The following FMNL2 variants were observed in gnomAD, a reference collection of about 807,000 sequenced individuals.
The protein encoded by FMNL2 is formin like 2, also known as formin-like protein 2.
FMNL2 carries 51 observed loss-of-function variants against 130.2 expected under a neutral mutation model. That is an observed-to-expected ratio of 0.39 (90% CI 0.31 to 0.49). FMNL2 has a LOEUF of 0.49. FMNL2 is among the 20% of genes least tolerant of loss of function. The pLI is 0.85. For missense variants in FMNL2, 977 were observed against 1,316.2 expected, an observed-to-expected ratio of 0.74 and a Z score of 3.99; for synonymous variants, 465 against 467.1, an observed-to-expected ratio of 1.00 and a Z score of 0.06.
intron 9 of FMNL2, among the ~76,000 whole-genome samples, chr2:152,593,898 TGTGTGAGAGAGAGA>T (rs1697606269): frequency 2.6e-5 from 2 of 78,010 alleles, no homozygotes; most frequent in African/African-American, 8.7e-5. Flanking sequence ...TGTGTGTGTG[TGTGTGAGAGAGAGA>T]GAGAGAGAGA....
chr2:152,640,724 A>G, intron 24 of FMNL2, 67 bp from the exon 25 acceptor site: 3 of 1,563,690 alleles, frequency 1.9e-6, no homozygotes, highest in East Asian at 2.3e-5. Flanking sequence ...GCTCAGGCAC[A>G]TTTTGGATTT....
intron 25 of FMNL2, among the ~76,000 whole-genome samples, chr2:152,645,829 G>A (rs947409437): frequency 6.6e-6 from 1 of 152,160 alleles, no homozygotes; most frequent in Non-Finnish European, 1.5e-5. Context: ...TTGATCTGAA[G>A]CGACTGAAAG....
intron 1 of FMNL2, among the ~76,000 whole-genome samples, chr2:152,479,729 T>C (rs1160681139): frequency 6.7e-6 from 1 of 149,224 alleles, no homozygotes; most frequent in Admixed American, 6.7e-5. Flanking sequence ...TTTTTTTTTT[T>C]TTTTTTTTTT....
chr2:152,514,813 T>C (rs879347361), intron 1 of FMNL2, among the ~76,000 whole-genome samples: 5 of 152,168 alleles, frequency 3.3e-5, no homozygotes, highest in Admixed American at 3.3e-4. Flanking sequence ...TTTGGGGCCA[T>C]GGTTGAACTC....
chr2:152,348,818 GTTTTTTTT>G (rs1244621847), intron 1 of FMNL2, among the ~76,000 whole-genome samples: 1 of 71,830 alleles, frequency 1.4e-5, no homozygotes, highest in Non-Finnish European at 2.4e-5. Flanking sequence ...GCTTCTAAGG[GTTTTTTTT>G]TTTTTTTTTT....
In FMNL2 at chr2:152,549,043, A is replaced by T; in HGVS notation, c.305A>T (p.Glu102Val). 2 of 1,602,452 alleles carry T rather than the reference A, an allele frequency of 1.2e-6. No individual in the cohort carries two copies. Among genetic ancestry groups the T allele is most frequent in the Admixed American group, 1.7e-5 (1 of 58,786 alleles). Reference sequence around the variant, plus strand: ...TAGAAATTCAGACGGCGTGTTCAAGAATCTACACAAGTGCTAAGAGAACTG... The same window carrying T: ...TAGAAATTCAGACGGCGTGTTCAAGTATCTACACAAGTGCTAAGAGAACTG... ...TRKKFRRRVQESTQVLRELEI... is the reference protein window; with the variant it reads ...TRKKFRRRVQVSTQVLRELEI... The change falls in exon 4 of 26, where the codon GAA becomes GTA. Residue 102 changes from glutamate (E) to valine (V), a missense_variant. Around this residue, in one of 4 missense-constraint regions of FMNL2, gnomAD observed 117 missense variants for 134.9 expected, o/e 0.87. Coordinates refer to ENST00000288670, the MANE Select transcript of FMNL2 (RefSeq NM_052905.4).
chr2:152,356,020 A>G (rs1264614713), intron 1 of FMNL2, among the ~76,000 whole-genome samples: 2 of 152,190 alleles, frequency 1.3e-5, no homozygotes, highest in African/African-American at 4.8e-5. Flanking sequence ...AAAATAACTT[A>G]TAGTTTGCTT....
chr2:152,477,629 A>G (rs1690224887), intron 1 of FMNL2, among the ~76,000 whole-genome samples: 3 of 152,168 alleles, frequency 2.0e-5, no homozygotes, highest in Admixed American at 2.0e-4. Flanking sequence ...GTCTATTTGC[A>G]GCTTCTCAGG....
At chr2:152,366,334 T>C (rs1323874040) in intron 1 of FMNL2, among the ~76,000 whole-genome samples, 4 of 151,286 alleles carry the variant, frequency 2.6e-5, no homozygotes, top group Non-Finnish European at 5.9e-5. Flanking sequence ...ATATACCTAA[T>C]GCTAAATGAC....
intron 1 of FMNL2, among the ~76,000 whole-genome samples, chr2:152,454,840 A>C: frequency 6.6e-6 from 1 of 152,244 alleles, no homozygotes. Flanking sequence ...CAATAACCTC[A>C]GAGAAGAGCA....
chr2:152,349,301 T>C (rs1323277020), intron 1 of FMNL2, among the ~76,000 whole-genome samples: 1 of 152,240 alleles, frequency 6.6e-6, no homozygotes. Context: ...TCTCGAGTTC[T>C]GTTAGGTGCT....
intron 9 of FMNL2, among the ~76,000 whole-genome samples, chr2:152,585,440 T>C (rs564139122): frequency 4.0e-4 from 61 of 152,232 alleles, no homozygotes; most frequent in Non-Finnish European, 7.5e-4. Flanking sequence ...CTTTGGATAT[T>C]TATATTAGTT....
At chr2:152,354,456 C>T (rs1163978780) in intron 1 of FMNL2, among the ~76,000 whole-genome samples, 1 of 152,042 alleles carries the variant, frequency 6.6e-6, no homozygotes, top group African/African-American at 2.4e-5. Flanking sequence ...ATCTAGGAGG[C>T]ACAGAAAGAA....
intron 1 of FMNL2, among the ~76,000 whole-genome samples, chr2:152,388,175 A>G (rs1033654207): frequency 2.6e-4 from 40 of 152,180 alleles, no homozygotes; most frequent in African/African-American, 8.4e-4. Flanking sequence ...CAGAGGAGGA[A>G]AATACTTGTG....
At chr2:152,622,742 A>C (rs973631918) in intron 15 of FMNL2, among the ~76,000 whole-genome samples, 1 of 151,288 alleles carries the variant, frequency 6.6e-6, no homozygotes, top group Non-Finnish European at 1.5e-5. Flanking sequence ...TTGAACCTAC[A>C]TAAGAGACTA....
At chr2:152,469,434 G>A (rs1689734326) in intron 1 of FMNL2, among the ~76,000 whole-genome samples, 2 of 152,148 alleles carry the variant, frequency 1.3e-5, no homozygotes, top group Non-Finnish European at 2.9e-5. Flanking sequence ...TAGCCTCCTT[G>A]GCTAGTATCC....
chr2:152,641,341 G>A (rs1289891852), intron 25 of FMNL2, among the ~76,000 whole-genome samples: 2 of 152,122 alleles, frequency 1.3e-5, no homozygotes, highest in African/African-American at 4.8e-5. Flanking sequence ...CTTTAATTTG[G>A]GTGAGCCAAC....
chr2:152,407,261 A>AG (rs1357695047), intron 1 of FMNL2, among the ~76,000 whole-genome samples: 4 of 151,050 alleles, frequency 2.6e-5, no homozygotes, highest in Non-Finnish European at 4.4e-5. Context: ...TGCCACCCTC[A>AG]GGGAGTTCTA....
chr2:152,422,175 T>C (rs576007382), intron 1 of FMNL2, among the ~76,000 whole-genome samples: 1 of 152,322 alleles, frequency 6.6e-6, no homozygotes, highest in East Asian at 1.9e-4. Flanking sequence ...TGAGGCATGT[T>C]TTCTTAGTTA....
Sources: allele counts gnomAD v4.1 joint callset (sites outside exome capture counted in the v4.1 genomes callset), GRCh38; gene constraint gnomAD v4.1.1; regional missense constraint gnomAD v4.1.1; transcripts MANE v1.5; gene names NCBI Gene and HGNC (gene_info 2026-07-23, HGNC 2026-07-21).